Variants in RPL14 observed in about 807,000 individuals in gnomAD.
The protein encoded by RPL14 is ribosomal protein L14, also known as large ribosomal subunit protein eL14.
Under a neutral mutation model 25.3 loss-of-function variants are expected in RPL14, and 4 were observed. The observed-to-expected ratio is 0.16, with a 90% CI of 0.08 to 0.36. The LOEUF (loss-of-function observed/expected upper bound fraction) is 0.36. Among genes scored for constraint, RPL14 ranks in the 10% least tolerant of loss-of-function variants. RPL14 has a pLI of 1.00. For missense variants in RPL14, 212 were observed against 261.9 expected (o/e 0.81, Z 1.31); for synonymous variants, 75 against 89.8 (o/e 0.84, Z 0.93).
In RPL14 at chr3:40,463,269, C is replaced by T. The variant is rs137860478; in HGVS notation, c.*1037C>T. The T allele has an allele frequency of 9.3e-4, 142 of 152,658 alleles. 1 individual carries two copies. Among genetic ancestry groups the T allele is most frequent in the Admixed American group, 3.3e-3 (50 of 15,294 alleles). 9.5% of individuals were successfully genotyped at this position (152,658 alleles called of 1,614,324 possible). A position where few individuals can be genotyped will look rare whatever the true frequency, so the allele number is the denominator to read the frequency against. ...TCACCCAGGCTGGAGTGCAGTGGCA[C>T]GATCTTGGCTCAGCGCAACCTCTGC... On this transcript the variant is annotated 3_prime_UTR_variant, in exon 6 of 6. Transcript: ENST00000396203.
In RPL14 at chr3:40,467,161, C is replaced by T. The variant is rs1225949125; in HGVS notation, c.*4929C>T. On this transcript the variant is annotated 3_prime_UTR_variant, in exon 6 of 6. Transcript: ENST00000396203. ...ATATGTGCTTGTTTTAAGCAAATTT[C>T]ATACTCTGCAACTTGCCTTTTTTCT... is the stretch of plus-strand genomic sequence containing the variant. 6.6e-6 allele frequency: 1 copy of T among 152,134 alleles called. No individual in the cohort carries two copies. The highest frequency in any genetic ancestry group is 1.5e-5 in the Non-Finnish European group (1 of 68,042). 9.4% of individuals were successfully genotyped at this position (152,134 alleles called of 1,614,324 possible).
chr3:40,468,011 G>A lies in RPL14; in HGVS notation c.*5779G>A, dbSNP rs750933586. 1 of 152,182 alleles carries A rather than the reference G, an allele frequency of 6.6e-6. No individual in the cohort carries two copies. Among genetic ancestry groups the A allele is most frequent in the Non-Finnish European group, 1.5e-5 (1 of 68,074 alleles). 9.4% of individuals were successfully genotyped at this position (152,182 alleles called of 1,614,324 possible). ...AATGTTTGTATTGTTAGTAGATACA[G>A]GGTTTCACCCTGTTAGCCAGGATGG... On this transcript the variant is annotated 3_prime_UTR_variant, in exon 6 of 6. Coordinates refer to ENST00000396203, the MANE Select transcript of RPL14 (RefSeq NM_001034996.3).
rs1696862955 is a variant in RPL14, at chr3:40,457,594, C to G, written c.3+120C>G. ...GGCAGGCCTGGCGCGCCTTGGGCCA[C>G]GCGTGCGCGCCTCCGCCGCTGGAGC... is the stretch of plus-strand genomic sequence containing the variant. On this transcript the variant is annotated intron_variant, in intron 1 of 5. Coordinates refer to ENST00000396203, the MANE Select transcript of RPL14 (RefSeq NM_001034996.3). 13 of 808,644 alleles carry G rather than the reference C, an allele frequency of 1.6e-5. No individual in the cohort carries two copies. In the Admixed American group the frequency reaches 2.9e-4, roughly 18 times the overall value. The allele number at this position is 808,644 out of a possible 1,614,324, so 50.1% of individuals were successfully genotyped here.
chr3:40,458,622 T>A lies in RPL14; in HGVS notation c.106-20T>A. ...TTGCTGTTAGATTTTGCACTGAAGT[T>A]CTTGATGTTTGTGTTCTAGGCTTTG... is the stretch of plus-strand genomic sequence containing the variant. On this transcript the variant is annotated intron_variant, in intron 2 of 5. Transcript: ENST00000396203. 1.2e-6 allele frequency: 2 copies of A among 1,608,218 alleles called. No individual in the cohort carries two copies. The highest frequency in any genetic ancestry group is 1.7e-6 in the Non-Finnish European group (2 of 1,174,742).
rs1330237595 is a variant in RPL14, at chr3:40,461,586, TTTG to T, written c.301-16_301-14del. On this transcript the variant is annotated intron_variant, in intron 4 of 5. Transcript: ENST00000396203. Reference sequence around the variant, plus strand: ...GATAGTGTGAGAGGGATAATTTTTATTTGTTGTTTTTTTTTTAACAGAAAGCCA... The same window carrying T: ...GATAGTGTGAGAGGGATAATTTTTATTTGTTTTTTTTTTAACAGAAAGCCA... The T allele has an allele frequency of 5.0e-6, 8 of 1,601,490 alleles. No individual in the cohort carries two copies. Among genetic ancestry groups the T allele is most frequent in the Non-Finnish European group, 6.0e-6 (7 of 1,175,332 alleles).
At chr3:40,461,697 C>T (rs1696939105) in intron 5 of RPL14, 36 bp downstream of exon 5, 1 of 1,559,436 alleles carries the variant, frequency 6.4e-7, no homozygotes, top group African/African-American at 1.4e-5. Context: ...TGTAACTTAG[C>T]TTTAAATAAT....
At chr3:40,457,719 T>G in intron 1 of RPL14, 171 bp from the exon 2 acceptor site, 1 of 689,192 alleles carries the variant, frequency 1.5e-6, no homozygotes, top group Non-Finnish European at 2.5e-6. Flanking sequence ...CTTAAGCTAC[T>G]GAGGCGTTTG....
chr3:40,459,857 T>TAAAAAAAA (rs1696906164), intron 3 of RPL14, among the ~76,000 whole-genome samples: 1 of 3,060 alleles, frequency 3.3e-4, no homozygotes, highest in African/African-American at 8.9e-4. Context: ...AGACTCCGTT[T>TAAAAAAAA]CAAAAAAAAA....
Position 40,464,107 on chromosome 3 carries a change from A to G in RPL14, c.*1875A>G, listed in dbSNP as rs985462856. On this transcript the variant is annotated 3_prime_UTR_variant, in exon 6 of 6. Coordinates refer to ENST00000396203, the MANE Select transcript of RPL14 (RefSeq NM_001034996.3). ...TCAGCCTCCCAAGTAGCAGGGGTTA[A>G]ATGCGTGTACCACCATGCCCCTCTA... is the stretch of plus-strand genomic sequence containing the variant. The G allele has an allele frequency of 6.0e-5, 12 of 198,460 alleles. No homozygotes were observed. The highest frequency in any genetic ancestry group is 6.0e-4 in the East Asian group (5 of 8,350). The allele number at this position is 198,460 out of a possible 1,614,324, so 12.3% of individuals were successfully genotyped here.
In RPL14 at chr3:40,464,537, G is replaced by C; in HGVS notation, c.*2305G>C. On this transcript the variant is annotated 3_prime_UTR_variant, in exon 6 of 6. Coordinates refer to ENST00000396203, the MANE Select transcript of RPL14 (RefSeq NM_001034996.3). ...ACTGATAGTGTAGAGGACTGGCTCG[G>C]GACCACATCAAGGAAGTAGGTTAGT... 1 of 456,012 alleles carries C rather than the reference G, an allele frequency of 2.2e-6. No homozygotes were observed. The highest frequency in any genetic ancestry group is 4.4e-6 in the Non-Finnish European group (1 of 226,788). 28.2% of individuals were successfully genotyped at this position (456,012 alleles called of 1,614,324 possible). A position where few individuals can be genotyped will look rare whatever the true frequency, so the allele number is the denominator to read the frequency against.
chr3:40,467,672 A>G lies in RPL14; in HGVS notation c.*5440A>G, dbSNP rs1047102224. 2 of 152,272 alleles carry G rather than the reference A, an allele frequency of 1.3e-5. No individual in the cohort carries two copies. Among genetic ancestry groups the G allele is most frequent in the Non-Finnish European group, 2.9e-5 (2 of 68,054 alleles). 9.4% of individuals were successfully genotyped at this position (152,272 alleles called of 1,614,324 possible). On this transcript the variant is annotated 3_prime_UTR_variant, in exon 6 of 6. Transcript: ENST00000396203. ...ATCCTTAGCCCAGTCAAGTGCACAC[A>G]TAACCATAACAATTCTTACTAATCT... is the stretch of plus-strand genomic sequence containing the variant.
Position 40,457,942 on chromosome 3 carries a change from C to G in RPL14, c.56C>G (p.Pro19Arg), listed in dbSNP as rs1443624022. Reference sequence around the variant, plus strand: ...CGGGTGGCCTATGTCTCCTTTGGACCTCATGCCGGAAAATTGGTCGCGATT... The same window carrying G: ...CGGGTGGCCTATGTCTCCTTTGGACGTCATGCCGGAAAATTGGTCGCGATT... The part of the protein sequence containing the change: ...VGRVAYVSFG[P>R]HAGKLVAIVD... Residue 19 changes from proline (P) to arginine (R), a missense_variant, in exon 2 of 6, where the codon CCT becomes CGT. Coordinates refer to ENST00000396203, the MANE Select transcript of RPL14 (RefSeq NM_001034996.3). 6 of 1,614,068 alleles carry G rather than the reference C, an allele frequency of 3.7e-6. No individual in the cohort carries two copies. The highest frequency in any genetic ancestry group is 5.1e-6 in the Non-Finnish European group (6 of 1,180,052).
rs1314870835 is a variant in RPL14 at position 40,462,099 on chromosome 3, A to G, written c.515A>G (p.Lys172Arg). ...AAAAAGATCACCGCCGCGAGTAAAA[A>G]GGCTCCAGCCCAGAAGGTTCCTGCC... ...PAKKITAASK[K>R]APAQKVPAQK... is the part of the protein sequence containing the mutation. Residue 172 changes from lysine to arginine, a missense_variant, in exon 6 of 6, where the codon AAG becomes AGG. Physicochemically the swap from Lys to Arg is conservative, Grantham distance 26. This residue lies in a region of RPL14 where 66 missense variants were observed against 62.6 expected (regional missense o/e 1.05). Transcript: ENST00000396203. 6.2e-7 allele frequency: 1 copy of G among 1,610,994 alleles called. No individual in the cohort carries two copies. Among genetic ancestry groups the G allele is most frequent in the African/African-American group, 1.3e-5 (1 of 74,622 alleles).
rs1696967083 is a variant in RPL14, at chr3:40,462,799, TG to T, written c.*568del. 6.6e-6 allele frequency: 1 copy of T among 152,260 alleles called. No homozygotes were observed. 9.4% of individuals were successfully genotyped at this position (152,260 alleles called of 1,614,324 possible). A position where few individuals can be genotyped will look rare whatever the true frequency, so the allele number is the denominator to read the frequency against. The stretch of plus-strand genomic sequence containing the variant: ...AACTTAGAACACCAAGTGACACAAG[TG>T]ACATTTTTTTCTTATGGTCACCTTG... On this transcript the variant is annotated 3_prime_UTR_variant, in exon 6 of 6. Coordinates refer to ENST00000396203, the MANE Select transcript of RPL14 (RefSeq NM_001034996.3).
rs13068097 is a variant in RPL14, at chr3:40,462,933, T to A, written c.*701T>A. 96,614 of 151,666 alleles carry A rather than the reference T, an allele frequency of 0.64. 31,037 individuals are homozygous for A. Among genetic ancestry groups the A allele is most frequent in the Non-Finnish European group, 0.7 (47,225 of 67,938 alleles). 9.4% of individuals were successfully genotyped at this position (151,666 alleles called of 1,614,324 possible). A position where few individuals can be genotyped will look rare whatever the true frequency, so the allele number is the denominator to read the frequency against. On this transcript the variant is annotated 3_prime_UTR_variant, in exon 6 of 6. Transcript: ENST00000396203. ...GCAGATTTATTTTATTTATTTATTTTTTTTTTTTGGAGACAGAGTCTTGCT... is the reference window on the plus strand; with the variant it reads ...GCAGATTTATTTTATTTATTTATTTATTTTTTTTGGAGACAGAGTCTTGCT...
At chr3:40,459,487 T>C (rs1325510964) in intron 3 of RPL14, among the ~76,000 whole-genome samples, 1 of 152,230 alleles carries the variant, frequency 6.6e-6, no homozygotes, top group African/African-American at 2.4e-5. Flanking sequence ...TGTGTTGCTA[T>C]ACAGTTAATT....
At position 40,466,957 on chromosome 3, in the gene RPL14, ATTTTT is replaced by A. The variant is rs11285176; in HGVS notation, c.*4732_*4736del. The A allele has an allele frequency of 6.6e-6, 1 of 150,884 alleles. No homozygotes were observed. The highest frequency in any genetic ancestry group is 1.5e-5 in the Non-Finnish European group (1 of 67,724). The allele number at this position is 150,884 out of a possible 1,614,324, so 9.3% of individuals were successfully genotyped here. A position where few individuals can be genotyped will look rare whatever the true frequency, so the allele number is the denominator to read the frequency against. ...GTTACCTCATTCTTCTAGCTAGCTG[ATTTTT>A]TTTTTTAATCTAGGCTAAATCATGA... On this transcript the variant is annotated 3_prime_UTR_variant, in exon 6 of 6. Coordinates refer to ENST00000396203, the MANE Select transcript of RPL14 (RefSeq NM_001034996.3).
chr3:40,465,776 C>A lies in RPL14; in HGVS notation c.*3544C>A, dbSNP rs150086092. ...CAGTATTCAAGCTGCACCTAGAAAA[C>A]AGTGCAATACAGAACAGTGGAAATT... On this transcript the variant is annotated 3_prime_UTR_variant, in exon 6 of 6. Transcript: ENST00000396203. 6.6e-6 allele frequency: 1 copy of A among 152,136 alleles called. No individual in the cohort carries two copies. Among genetic ancestry groups the A allele is most frequent in the Admixed American group, 6.6e-5 (1 of 15,262 alleles). 9.4% of individuals were successfully genotyped at this position (152,136 alleles called of 1,614,324 possible).
rs1359379177 is a variant in RPL14 at position 40,467,733 on chromosome 3, C to CA, written c.*5503dup. 9 of 152,322 alleles carry CA rather than the reference C, an allele frequency of 5.9e-5. 1 individual carries two copies. The East Asian group carries it at 1.2e-3, about 20-fold the overall frequency. 9.4% of individuals were successfully genotyped at this position (152,322 alleles called of 1,614,324 possible). A position where few individuals can be genotyped will look rare whatever the true frequency, so the allele number is the denominator to read the frequency against. ...TTTTTATCTTCTGCATAATAATCCA[C>CA]AACATGAATGTTCACGTTTGACCTC... On this transcript the variant is annotated 3_prime_UTR_variant, in exon 6 of 6. Coordinates refer to ENST00000396203, the MANE Select transcript of RPL14 (RefSeq NM_001034996.3).
Sources: gnomAD v4.1 joint callset for allele counts (sites outside exome capture counted in the v4.1 genomes callset) on GRCh38, gnomAD v4.1.1 for gene constraint, gnomAD v4.1.1 regional missense constraint, MANE v1.5 for transcripts, NCBI Gene and HGNC (gene_info 2026-07-23, HGNC 2026-07-21) for gene names.